Variants in RBMS3 observed in about 807,000 individuals in gnomAD.
The protein encoded by RBMS3 is RNA-binding motif, single-stranded-interacting protein 3.
A neutral mutation model predicts 66.8 loss-of-function variants in RBMS3; 27 were observed. The observed-to-expected ratio is 0.40, with a 90% CI of 0.30 to 0.56. The LOEUF is 0.56. Among genes scored for constraint, RBMS3 ranks in the 20% least tolerant of loss-of-function variants. RBMS3 has a pLI of 0.40. For missense variants in RBMS3, 513 were observed against 549.5 expected, an observed-to-expected ratio of 0.93 and a Z score of 0.66; for synonymous variants, 188 against 183.0, an observed-to-expected ratio of 1.03 and a Z score of -0.22.
At chr3:29,390,543 C>T (rs1298407183) in intron 1 of RBMS3, among the ~76,000 whole-genome samples, 1 of 133,094 alleles carries the variant, frequency 7.5e-6, no homozygotes, top group African/African-American at 2.8e-5. Context: ...ATCTCCATAT[C>T]AAAGTTTATT....
intron 4 of RBMS3, among the ~76,000 whole-genome samples, chr3:29,669,757 C>A (rs769003697): frequency 2.2e-4 from 34 of 151,998 alleles, no homozygotes; most frequent in Non-Finnish European, 2.2e-4. Context: ...TGTTCCTTTT[C>A]ATGTTCAGTG....
chr3:29,563,524 T>A (rs191262150), intron 3 of RBMS3, among the ~76,000 whole-genome samples: 132 of 152,298 alleles, frequency 8.7e-4, no homozygotes, highest in Middle Eastern at 3.4e-3. Flanking sequence ...ACATCTTTGA[T>A]CTTTATCATC....
At chr3:29,520,973 AACTGTGTTC>A (rs2044834433) in intron 3 of RBMS3, among the ~76,000 whole-genome samples, 1 of 151,986 alleles carries the variant, frequency 6.6e-6, no homozygotes, top group Non-Finnish European at 1.5e-5. Flanking sequence ...GGTTGTTCCT[AACTGTGTTC>A]AGGTCTCCGC....
intron 6 of RBMS3, among the ~76,000 whole-genome samples, chr3:29,830,050 T>C (rs754967626): frequency 2.0e-5 from 3 of 152,166 alleles, no homozygotes; most frequent in Non-Finnish European, 4.4e-5. Flanking sequence ...GAGAACACTA[T>C]TTTGTTAGCA....
chr3:29,401,900 A>G (rs2039828406), intron 1 of RBMS3, among the ~76,000 whole-genome samples: 1 of 152,046 alleles, frequency 6.6e-6, no homozygotes, highest in African/African-American at 2.4e-5. Context: ...AAACTTGAAA[A>G]GGGGGAATTG....
At chr3:29,591,689 T>A (rs2047744408) in intron 4 of RBMS3, among the ~76,000 whole-genome samples, 1 of 152,212 alleles carries the variant, frequency 6.6e-6, no homozygotes, top group Non-Finnish European at 1.5e-5. Context: ...TAAACAGTCA[T>A]GAATTATTAC....
chr3:29,458,274 G>C (rs2042260812), intron 2 of RBMS3, among the ~76,000 whole-genome samples: 1 of 152,150 alleles, frequency 6.6e-6, no homozygotes, highest in African/African-American at 2.4e-5. Flanking sequence ...GAAAGAGAGT[G>C]CTACACATAG....
At chr3:29,662,123 T>C (rs1314425688) in intron 4 of RBMS3, among the ~76,000 whole-genome samples, 1 of 152,130 alleles carries the variant, frequency 6.6e-6, no homozygotes, top group Non-Finnish European at 1.5e-5. Context: ...GGTTCATTTA[T>C]AGGGGATTGT....
intron 3 of RBMS3, among the ~76,000 whole-genome samples, chr3:29,516,028 A>G (rs566519216): frequency 6.6e-6 from 1 of 152,152 alleles, no homozygotes; most frequent in Non-Finnish European, 1.5e-5. Context: ...GAGGACATGG[A>G]CCAGGGACTT....
intron 1 of RBMS3, among the ~76,000 whole-genome samples, chr3:29,398,773 T>C (rs1370946675): frequency 6.6e-6 from 1 of 152,098 alleles, no homozygotes; most frequent in Non-Finnish European, 1.5e-5. Context: ...TTACATGCCA[T>C]GAATAAAACT....
intron 12 of RBMS3, among the ~76,000 whole-genome samples, chr3:29,961,605 G>A (rs144613066): frequency 6.6e-5 from 10 of 152,052 alleles, no homozygotes; most frequent in South Asian, 4.2e-4. Context: ...GGGAGGCCTC[G>A]GGAAACTTAC....
intron 1 of RBMS3, among the ~76,000 whole-genome samples, chr3:29,306,457 T>C (rs2034020731): frequency 6.6e-6 from 1 of 151,994 alleles, no homozygotes; most frequent in Non-Finnish European, 1.5e-5. Context: ...GGCTTTTGTT[T>C]TATTTTGTTT....
chr3:29,930,608 C>A lies in RBMS3; in HGVS notation c.940-5478C>A, dbSNP rs923578138. 3.3e-5 allele frequency among the ~76,000 whole-genome samples: 5 copies of A among 152,078 alleles called. No homozygotes were observed. In the South Asian group the frequency reaches 8.3e-4, roughly 25 times the overall value. ...ATAGCAACATCAATAACCACTACCC[C>A]CTAGGTGCTAATAGCACACCTCGGC... On this transcript the variant is annotated intron_variant, in intron 10 of 14. Transcript: ENST00000383767.
At chr3:29,643,486 A>G (rs996919401) in intron 4 of RBMS3, among the ~76,000 whole-genome samples, 3 of 152,060 alleles carry the variant, frequency 2.0e-5, no homozygotes, top group African/African-American at 7.2e-5. Flanking sequence ...GTCTTAGCTT[A>G]GCTTCAAGTT....
chr3:29,865,522 C>A (rs1260790928), intron 6 of RBMS3, among the ~76,000 whole-genome samples: 1 of 152,158 alleles, frequency 6.6e-6, no homozygotes, highest in Non-Finnish European at 1.5e-5. Context: ...GAATAAAAAT[C>A]TGGAAATTAT....
At chr3:29,476,608 T>A (rs2042956373) in intron 2 of RBMS3, among the ~76,000 whole-genome samples, 1 of 152,218 alleles carries the variant, frequency 6.6e-6, no homozygotes, top group Non-Finnish European at 1.5e-5. Context: ...ACAAGGAGAT[T>A]AACGTATTGA....
At chr3:29,537,464 T>C (rs1158408133) in intron 3 of RBMS3, among the ~76,000 whole-genome samples, 2 of 152,192 alleles carry the variant, frequency 1.3e-5, no homozygotes, top group Non-Finnish European at 2.9e-5. Flanking sequence ...CTAAATTTCT[T>C]AGGTGAAAGT....
chr3:29,420,545 G>A (rs573576614), intron 1 of RBMS3, among the ~76,000 whole-genome samples: 1 of 138,680 alleles, frequency 7.2e-6, no homozygotes, highest in African/African-American at 2.7e-5. Context: ...AAAAATCAGT[G>A]GTGTACTTAG....
At chr3:29,816,744 C>G (rs1216729547) in intron 6 of RBMS3, among the ~76,000 whole-genome samples, 1 of 152,156 alleles carries the variant, frequency 6.6e-6, no homozygotes, top group Non-Finnish European at 1.5e-5. Flanking sequence ...TGAGTCAAAA[C>G]AGTTGGCACA....
Sources: allele counts gnomAD v4.1 joint callset (sites outside exome capture counted in the v4.1 genomes callset), GRCh38; gene constraint gnomAD v4.1.1; transcripts MANE v1.5; gene names NCBI Gene and HGNC (gene_info 2026-07-23, HGNC 2026-07-21).